Variants in ERC1 observed in about 807,000 individuals in gnomAD.
The protein encoded by ERC1 is RAB6 interacting protein 2.
Under a neutral mutation model 132.0 loss-of-function variants are expected in ERC1, and 56 were observed. The ratio of observed to expected loss-of-function variants is 0.42; its 90% CI spans 0.34 to 0.53. The LOEUF (loss-of-function observed/expected upper bound fraction) is 0.53, where lower values mean the gene tolerates loss of function less well. Ranked by LOEUF, ERC1 falls within the 20% of genes least tolerant of loss-of-function variation. The pLI is 0.03. For synonymous variants in ERC1, 478 were observed against 476.1 expected, an observed-to-expected ratio of 1.00 and a Z score of -0.05; for missense variants, 1,202 against 1,349.9, an observed-to-expected ratio of 0.89 and a Z score of 1.72.
At chr12:1,017,272 C>T (rs1965674363) in intron 1 of ERC1, among the ~76,000 whole-genome samples, 1 of 152,242 alleles carries the variant, frequency 6.6e-6, no homozygotes. Flanking sequence ...GCTGGGATTA[C>T]AGGCATGACC....
intron 12 of ERC1, among the ~76,000 whole-genome samples, chr12:1,218,600 G>A (rs1219998589): frequency 2.0e-5 from 3 of 152,040 alleles, no homozygotes; most frequent in Non-Finnish European, 4.4e-5. Context: ...AAATATCCAT[G>A]TTACCAAATA....
At chr12:1,256,771 T>C (rs2076845483) in intron 13 of ERC1, among the ~76,000 whole-genome samples, 1 of 150,896 alleles carries the variant, frequency 6.6e-6, no homozygotes. Context: ...CTCCATAATA[T>C]CTGCCTTTAT....
At chr12:1,346,708 C>T (rs1002167128) in intron 15 of ERC1, among the ~76,000 whole-genome samples, 31 of 150,828 alleles carry the variant, frequency 2.1e-4, no homozygotes, top group Non-Finnish European at 3.5e-4. Context: ...TTTGGGAGGC[C>T]GAGGCGGGTG....
chr12:1,247,815 G>A (rs899843958), intron 13 of ERC1, among the ~76,000 whole-genome samples: 49 of 152,104 alleles, frequency 3.2e-4, no homozygotes, highest in African/African-American at 1.2e-3. Context: ...TGACCAACAT[G>A]GAGAAACCCC....
chr12:1,172,115 T>C (rs951338726), intron 8 of ERC1, among the ~76,000 whole-genome samples: 1 of 152,188 alleles, frequency 6.6e-6, no homozygotes, highest in Admixed American at 6.5e-5. Context: ...AACTGTACCA[T>C]GATTACAGAG....
At chr12:1,465,727 G>A (rs914627115) in intron 18 of ERC1, among the ~76,000 whole-genome samples, 1 of 152,214 alleles carries the variant, frequency 6.6e-6, no homozygotes, top group Non-Finnish European at 1.5e-5. Context: ...GGGGCAGTGT[G>A]GCCACAGCCT....
intron 8 of ERC1, among the ~76,000 whole-genome samples, chr12:1,160,607 A>T (rs940599759): frequency 6.6e-6 from 1 of 152,050 alleles, no homozygotes; most frequent in East Asian, 1.9e-4. Flanking sequence ...GCTACTGGGG[A>T]GGCTGAGGCT....
chr12:1,059,180 A>AT (rs1394867026), intron 2 of ERC1, among the ~76,000 whole-genome samples: 3 of 152,012 alleles, frequency 2.0e-5, no homozygotes, highest in East Asian at 3.8e-4. Flanking sequence ...TTATATGTTG[A>AT]TTTTTTATCC....
At chr12:1,253,361 C>T (rs920869407) in intron 13 of ERC1, among the ~76,000 whole-genome samples, 1 of 152,074 alleles carries the variant, frequency 6.6e-6, no homozygotes, top group African/African-American at 2.4e-5. Context: ...CTTTGCTTTT[C>T]TGATTGAATG....
intron 13 of ERC1, among the ~76,000 whole-genome samples, chr12:1,254,639 G>A (rs1012580489): frequency 5.9e-5 from 9 of 152,030 alleles, no homozygotes; most frequent in Admixed American, 4.6e-4. Flanking sequence ...TCAGCCTCCC[G>A]AGTGGCTGGG....
At chr12:1,102,444 TG>T (rs1944770106) in intron 3 of ERC1, among the ~76,000 whole-genome samples, 1 of 152,146 alleles carries the variant, frequency 6.6e-6, no homozygotes, top group South Asian at 2.1e-4. Context: ...GCTAATACAA[TG>T]GGGTAAGTGC....
At chr12:1,186,985 C>T (rs1231155203) in intron 11 of ERC1, among the ~76,000 whole-genome samples, 1 of 152,138 alleles carries the variant, frequency 6.6e-6, no homozygotes, top group African/African-American at 2.4e-5. Flanking sequence ...TGTGCACCAC[C>T]ACCCCTGGCT....
At chr12:1,361,690 G>A (rs913649145) in intron 15 of ERC1, among the ~76,000 whole-genome samples, 2 of 152,158 alleles carry the variant, frequency 1.3e-5, no homozygotes, top group Non-Finnish European at 2.9e-5. Flanking sequence ...AGTGCCTCCA[G>A]GAAAGCAAAA....
chr12:1,183,386 G>C lies in ERC1; in HGVS notation c.2122G>C (p.Glu708Gln), dbSNP rs61758142. Residue 708 changes from glutamate to glutamine, a missense_variant, in exon 11 of 19, where the codon GAG (glutamate) becomes CAG (glutamine). Physicochemically the swap from Glu to Gln is conservative, Grantham distance 29. Coordinates refer to ENST00000360905, the MANE Select transcript of ERC1 (RefSeq NM_178040.4). ...TLEIALEQKK[E>Q]ECLKMESQLK... is the part of the protein sequence containing the mutation. Reference sequence around the variant, plus strand: ...AGAGATTGCTTTGGAGCAGAAGAAGGAGGAGTGTCTGAAAATGGAATCACA... The same window carrying C: ...AGAGATTGCTTTGGAGCAGAAGAAGCAGGAGTGTCTGAAAATGGAATCACA... 3.8e-4 allele frequency: 607 copies of C among 1,588,496 alleles called. 1 individual carries two copies. Among genetic ancestry groups the C allele is most frequent in the Middle Eastern group, 1.2e-3 (7 of 5,974 alleles).
chr12:1,385,519 C>T (rs1242853464), intron 16 of ERC1, among the ~76,000 whole-genome samples: 1 of 152,120 alleles, frequency 6.6e-6, no homozygotes, highest in South Asian at 2.1e-4. Context: ...CTCCTGACCT[C>T]GTGATAACGC....
At chr12:1,039,081 A>T (rs141094895) in intron 2 of ERC1, among the ~76,000 whole-genome samples, 3,945 of 152,120 alleles carry the variant, frequency 0.026, 58 homozygotes, top group Non-Finnish European at 0.034. Flanking sequence ...TCACGCCTGT[A>T]ATCCCAGCAC....
chr12:1,131,774 G>GT (rs1251479735), intron 7 of ERC1, among the ~76,000 whole-genome samples: 3 of 152,198 alleles, frequency 2.0e-5, no homozygotes, highest in East Asian at 3.9e-4. Flanking sequence ...AGAATTAATT[G>GT]TTTTTTGATC....
At chr12:1,256,089 G>T (rs552298288) in intron 13 of ERC1, among the ~76,000 whole-genome samples, 20 of 151,958 alleles carry the variant, frequency 1.3e-4, no homozygotes, top group Non-Finnish European at 2.9e-4. Flanking sequence ...TTTTGATGGG[G>T]TTTGCTTTTT....
intron 12 of ERC1, among the ~76,000 whole-genome samples, chr12:1,218,819 CAT>C (rs369422257): frequency 2.8e-4 from 41 of 148,488 alleles, no homozygotes; most frequent in East Asian, 1.2e-3. Flanking sequence ...GTCCTATTCT[CAT>C]ATATATATAT....
Sources: gnomAD v4.1 joint callset for allele counts (sites outside exome capture counted in the v4.1 genomes callset) on GRCh38, gnomAD v4.1.1 for gene constraint, MANE v1.5 for transcripts, NCBI Gene and HGNC (gene_info 2026-07-23, HGNC 2026-07-21) for gene names.